The following SMYD3 variants were observed in gnomAD, a reference collection of about 807,000 sequenced individuals.
SMYD3 encodes histone-lysine N-methyltransferase SMYD3.
In SMYD3, 36 loss-of-function variants were observed where a neutral mutation model predicts 57.7. The ratio of observed to expected loss-of-function variants is 0.62; its 90% CI spans 0.48 to 0.82. SMYD3 has a LOEUF of 0.82. Ranked by LOEUF, SMYD3 falls within the 40% of genes least tolerant of loss-of-function variation. The pLI is 0.00. For synonymous variants in SMYD3, 211 were observed against 195.0 expected (o/e 1.08, Z -0.68); for missense variants, 515 against 538.8 (o/e 0.96, Z 0.44).
intron 5 of SMYD3, among the ~76,000 whole-genome samples, chr1:246,218,346 G>A (rs576649919): frequency 7.9e-5 from 12 of 152,052 alleles, no homozygotes; most frequent in Non-Finnish European, 1.5e-4. Flanking sequence ...GCAACAGGCC[G>A]GGCGCGGTGG....
At position 246,507,231 on chromosome 1, in the gene SMYD3, C is replaced by T. The variant is rs1323134564; in HGVS notation, c.-14G>A. 21 of 1,509,992 alleles carry T rather than the reference C, an allele frequency of 1.4e-5. No individual in the cohort carries two copies. In the African/African-American group the frequency reaches 1.7e-4, roughly 12 times the overall value. 93.5% of individuals were successfully genotyped at this position (1,509,992 alleles called of 1,614,324 possible). ...CAGCGGCTCCATCCTCCCGCAGCTCCGGCACCTCAGACGGCTACCCGCGTC... is the reference window on the plus strand; with the variant it reads ...CAGCGGCTCCATCCTCCCGCAGCTCTGGCACCTCAGACGGCTACCCGCGTC... On this transcript the variant is annotated 5_prime_UTR_variant, in exon 1 of 12. Transcript: ENST00000490107.
intron 5 of SMYD3, among the ~76,000 whole-genome samples, chr1:246,206,328 C>T (rs1177811422): frequency 1.3e-5 from 2 of 152,074 alleles, no homozygotes; most frequent in African/African-American, 2.4e-5. Context: ...AACATGAACA[C>T]TTCTGAAAAG....
intron 2 of SMYD3, among the ~76,000 whole-genome samples, chr1:246,342,238 T>A (rs2065642940): frequency 6.6e-6 from 1 of 152,182 alleles, no homozygotes; most frequent in Non-Finnish European, 1.5e-5. Flanking sequence ...ACGTGAAATA[T>A]CACAGTGATT....
At chr1:246,259,872 A>G (rs1009732796) in intron 5 of SMYD3, among the ~76,000 whole-genome samples, 1 of 152,230 alleles carries the variant, frequency 6.6e-6, no homozygotes, top group African/African-American at 2.4e-5. Flanking sequence ...AGTTCTCTGC[A>G]CAGGAATGGG....
Position 246,094,168 on chromosome 1 carries a change from G to A in SMYD3, c.532-164231C>T, listed in dbSNP as rs999827251. ...ACCACCAAGATGATGCAGTGTTTGT[G>A]ATATTCATGTTATTTCTAATCAAAG... On this transcript the variant is annotated intron_variant, in intron 5 of 11. Coordinates refer to ENST00000490107, the MANE Select transcript of SMYD3 (RefSeq NM_001167740.2). Among the ~76,000 whole-genome samples the A allele has an allele frequency of 7.9e-5, 12 of 152,138 alleles. 1 individual carries two copies. Among genetic ancestry groups the A allele is most frequent in the African/African-American group, 2.4e-5 (1 of 41,416 alleles).
chr1:246,465,479 G>GCATAA (rs2067867836), intron 1 of SMYD3, among the ~76,000 whole-genome samples: 1 of 152,198 alleles, frequency 6.6e-6, no homozygotes, highest in Non-Finnish European at 1.5e-5. Flanking sequence ...CAGGGAATCA[G>GCATAA]TGCTGGTAAT....
intron 5 of SMYD3, among the ~76,000 whole-genome samples, chr1:245,963,338 C>A (rs2058058693): frequency 6.6e-6 from 1 of 152,122 alleles, no homozygotes; most frequent in Admixed American, 6.5e-5. Context: ...GCTGCTGCCC[C>A]CAAGACTAGA....
rs531631986 is a variant in SMYD3 at position 246,190,748 on chromosome 1, T to C, written c.531+136453A>G. Reference sequence around the variant, plus strand: ...AAAAAGCCAACACTATACTAAATAATAGAAGATAGTCGAGGTCAAGATTTT... The same window carrying C: ...AAAAAGCCAACACTATACTAAATAACAGAAGATAGTCGAGGTCAAGATTTT... On this transcript the variant is annotated intron_variant, in intron 5 of 11. Transcript: ENST00000490107. Among the ~76,000 whole-genome samples, 58 of 152,226 alleles carry C rather than the reference T, an allele frequency of 3.8e-4. 1 individual carries two copies. The highest frequency in any genetic ancestry group is 1.4e-3 in the African/African-American group (57 of 41,524).
chr1:245,821,384 G>T (rs879280737), intron 10 of SMYD3, among the ~76,000 whole-genome samples: 1 of 35,752 alleles, frequency 2.8e-5, no homozygotes, highest in Non-Finnish European at 3.7e-4. Context: ...ACACCTTATA[G>T]AAAAATCAAT....
At chr1:245,994,162 T>C (rs1367366196) in intron 5 of SMYD3, among the ~76,000 whole-genome samples, 1 of 152,254 alleles carries the variant, frequency 6.6e-6, no homozygotes, top group African/African-American at 2.4e-5. Context: ...GTTACTCTTA[T>C]CTTTCCCAAG....
chr1:246,009,087 A>T (rs1438094360), intron 5 of SMYD3, among the ~76,000 whole-genome samples: 2 of 152,214 alleles, frequency 1.3e-5, no homozygotes, highest in East Asian at 3.9e-4. Context: ...ACACTCAGTA[A>T]ATGATAACTA....
intron 5 of SMYD3, among the ~76,000 whole-genome samples, chr1:246,221,022 G>A (rs1364918926): frequency 6.6e-6 from 1 of 151,960 alleles, no homozygotes; most frequent in Non-Finnish European, 1.5e-5. Context: ...GCAGAGAGGA[G>A]CTACCCTCTC....
chr1:245,894,741 T>C (rs986298499), intron 8 of SMYD3, among the ~76,000 whole-genome samples: 19 of 152,324 alleles, frequency 1.2e-4, no homozygotes, highest in African/African-American at 4.6e-4. Context: ...GGGATGGTAC[T>C]TGGTACACAA....
At chr1:245,802,434 G>T (rs919748141) in intron 10 of SMYD3, among the ~76,000 whole-genome samples, 7 of 152,118 alleles carry the variant, frequency 4.6e-5, no homozygotes, top group Non-Finnish European at 7.3e-5. Context: ...ATAGCTACTT[G>T]ATATCAAGGT....
chr1:245,886,964 G>A (rs115077347), intron 8 of SMYD3, among the ~76,000 whole-genome samples: 2,850 of 152,046 alleles, frequency 0.019, 87 homozygotes, highest in African/African-American at 0.063. Flanking sequence ...TCCCTGATGC[G>A]CCATATTCTC....
intron 5 of SMYD3, among the ~76,000 whole-genome samples, chr1:245,955,092 G>T (rs1193147557): frequency 6.6e-6 from 1 of 152,046 alleles, no homozygotes; most frequent in Non-Finnish European, 1.5e-5. Context: ...GGGCCCATGT[G>T]GTGTTTTGTT....
At chr1:245,798,417 T>TACTCACACACATACACAC (rs1226185486) in intron 10 of SMYD3, among the ~76,000 whole-genome samples, 3 of 30,760 alleles carry the variant, frequency 9.8e-5, no homozygotes, top group African/African-American at 3.5e-4. Flanking sequence ...TACACACACA[T>TACTCACACACATACACAC]ACACACCCCC....
intron 10 of SMYD3, among the ~76,000 whole-genome samples, chr1:245,772,139 T>C (rs969590182): frequency 1.3e-5 from 2 of 152,226 alleles, no homozygotes; most frequent in South Asian, 2.1e-4. Context: ...GTTTCTGATA[T>C]GTACTATTGG....
chr1:246,212,171 G>T (rs115880621), intron 5 of SMYD3, among the ~76,000 whole-genome samples: 2,958 of 152,120 alleles, frequency 0.019, 117 homozygotes, highest in African/African-American at 0.069. Flanking sequence ...AAGATAGTTA[G>T]CAATATGCAA....
Sources: gnomAD v4.1 joint callset for allele counts (sites outside exome capture counted in the v4.1 genomes callset) on GRCh38, gnomAD v4.1.1 for gene constraint, MANE v1.5 for transcripts, NCBI Gene and HGNC (gene_info 2026-07-23, HGNC 2026-07-21) for gene names.